FAT3: variants seen among roughly 807,000 people sequenced by gnomAD.
FAT3 encodes the protein protocadherin Fat 3.
A neutral mutation model predicts 310.2 loss-of-function variants in FAT3; 95 were observed. The ratio of observed to expected loss-of-function variants is 0.31; its 90% confidence interval spans 0.26 to 0.36. The LOEUF (loss-of-function observed/expected upper bound fraction) is 0.36. Ranked by LOEUF, FAT3 falls within the 10% of genes least tolerant of loss-of-function variation. FAT3 has a pLI of 1.00. For synonymous variants in FAT3, 2,314 were observed against 2,192.9 expected (o/e 1.06, Z -1.54); for missense variants, 5,408 against 5,715.6 (o/e 0.95, Z 1.74).
intron 1 of FAT3, among the ~76,000 whole-genome samples, chr11:92,294,227 T>A (rs1335457762): frequency 6.6e-6 from 1 of 152,046 alleles, no homozygotes. Context: ...AATTCTCTGG[T>A]GTGTTTCTTA....
intron 2 of FAT3, among the ~76,000 whole-genome samples, chr11:92,457,358 T>C (rs1951517830): frequency 6.6e-6 from 1 of 152,070 alleles, no homozygotes; most frequent in Admixed American, 6.6e-5. Context: ...GCAGGTCTAG[T>C]GTGGTGTGGC....
chr11:92,542,456 G>T (rs934976085), intron 3 of FAT3, among the ~76,000 whole-genome samples: 1 of 151,558 alleles, frequency 6.6e-6, no homozygotes, highest in Non-Finnish European at 1.5e-5. Context: ...AATAAATAGG[G>T]TATATTAGGA....
At chr11:92,285,589 A>G (rs1234168945) in intron 1 of FAT3, among the ~76,000 whole-genome samples, 1 of 152,122 alleles carries the variant, frequency 6.6e-6, no homozygotes, top group Non-Finnish European at 1.5e-5. Flanking sequence ...CATCTGTGTG[A>G]TATTTTGGGA....
At chr11:92,512,298 T>A (rs1287302612) in intron 2 of FAT3, among the ~76,000 whole-genome samples, 2 of 151,758 alleles carry the variant, frequency 1.3e-5, no homozygotes, top group African/African-American at 4.8e-5. Context: ...GATTCTAGAA[T>A]CAGGCACCAC....
At chr11:92,727,634 C>G (rs1457436823) in intron 4 of FAT3, among the ~76,000 whole-genome samples, 1 of 152,190 alleles carries the variant, frequency 6.6e-6, no homozygotes, top group Non-Finnish European at 1.5e-5. Context: ...GTTTGCAGAA[C>G]CGACATAGAC....
chr11:92,293,245 G>A (rs1027383088), intron 1 of FAT3, among the ~76,000 whole-genome samples: 38 of 151,602 alleles, frequency 2.5e-4, no homozygotes, highest in East Asian at 7.8e-4. Flanking sequence ...GGCCATGGAG[G>A]GGGGATGAGC....
At chr11:92,225,211 T>TGGTGCACCGACTGGAGCGCGCCTGCC (rs1398348443) in intron 1 of FAT3, among the ~76,000 whole-genome samples, 37 bp downstream of exon 1, 8 of 152,122 alleles carry the variant, frequency 5.3e-5, no homozygotes, top group African/African-American at 1.2e-4. Context: ...TTTGGCTGCC[T>TGGTGCACCGACTGGAGCGCGCCTGCC]GGTGCACCGA....
intron 13 of FAT3, among the ~76,000 whole-genome samples, chr11:92,814,000 T>C (rs768612222): frequency 3.9e-5 from 6 of 152,200 alleles, no homozygotes; most frequent in Non-Finnish European, 7.3e-5. Flanking sequence ...TAAAAGAGGC[T>C]TCAGGGAGCC....
chr11:92,404,970 G>A (rs1338656366), intron 2 of FAT3, among the ~76,000 whole-genome samples: 2 of 151,978 alleles, frequency 1.3e-5, no homozygotes, highest in Non-Finnish European at 2.9e-5. Flanking sequence ...TTTGGGTTTG[G>A]TATGGAATTA....
intron 2 of FAT3, among the ~76,000 whole-genome samples, chr11:92,440,971 G>T (rs995131027): frequency 2.0e-5 from 3 of 152,112 alleles, no homozygotes; most frequent in Non-Finnish European, 4.4e-5. Context: ...CCAATCTCTT[G>T]CAGCACTAAG....
At chr11:92,540,435 A>G (rs1565396174) in intron 3 of FAT3, among the ~76,000 whole-genome samples, 1 of 152,176 alleles carries the variant, frequency 6.6e-6, no homozygotes, top group Non-Finnish European at 1.5e-5. Flanking sequence ...ATTCTGGCCC[A>G]CTTTTATTAA....
At chr11:92,339,871 T>C (rs1278453836) in intron 1 of FAT3, among the ~76,000 whole-genome samples, 1 of 151,978 alleles carries the variant, frequency 6.6e-6, no homozygotes, top group East Asian at 1.9e-4. Context: ...TCCAGCACTT[T>C]GGGAGGCCAA....
At chr11:92,593,798 A>G (rs1260714765) in intron 3 of FAT3, among the ~76,000 whole-genome samples, 1 of 152,244 alleles carries the variant, frequency 6.6e-6, no homozygotes, top group Non-Finnish European at 1.5e-5. Flanking sequence ...GCATGCCAAT[A>G]TAACATATGA....
chr11:92,438,513 C>CA (rs1950996874), intron 2 of FAT3, among the ~76,000 whole-genome samples: 1 of 152,192 alleles, frequency 6.6e-6, no homozygotes, highest in South Asian at 2.1e-4. Context: ...CGTACACTCA[C>CA]ATTATTGTGC....
chr11:92,604,828 A>G (rs1940196693), intron 3 of FAT3, among the ~76,000 whole-genome samples: 1 of 152,222 alleles, frequency 6.6e-6, no homozygotes, highest in Non-Finnish European at 1.5e-5. Flanking sequence ...TGGAGAAAAG[A>G]ATTCAAGATC....
chr11:92,838,735 TC>T (rs1274210563), intron 17 of FAT3, among the ~76,000 whole-genome samples: 1 of 151,960 alleles, frequency 6.6e-6, no homozygotes, highest in Non-Finnish European at 1.5e-5. Context: ...CTCTTGAGGG[TC>T]CCCTTTGGAA....
intron 1 of FAT3, among the ~76,000 whole-genome samples, chr11:92,297,326 GC>G (rs1160727722): frequency 2.0e-5 from 3 of 151,990 alleles, no homozygotes; most frequent in Non-Finnish European, 4.4e-5. Context: ...TATGGGGAAG[GC>G]CTTGTATTAG....
At chr11:92,307,618 T>C (rs1307971686) in intron 1 of FAT3, among the ~76,000 whole-genome samples, 1 of 152,200 alleles carries the variant, frequency 6.6e-6, no homozygotes, top group East Asian at 1.9e-4. Flanking sequence ...CGCTTCATTG[T>C]ATCTCTCAGA....
At chr11:92,601,579 C>T (rs1268364106) in intron 3 of FAT3, among the ~76,000 whole-genome samples, 2 of 151,844 alleles carry the variant, frequency 1.3e-5, no homozygotes, top group African/African-American at 4.8e-5. Context: ...CCTGGATGAC[C>T]GAGTAAGACT....
Sources: gnomAD v4.1 joint callset for allele counts (sites outside exome capture counted in the v4.1 genomes callset) on GRCh38, gnomAD v4.1.1 for gene constraint, MANE v1.5 for transcripts, NCBI Gene and HGNC (gene_info 2026-07-23, HGNC 2026-07-21) for gene names.